ETFA: variants seen among roughly 807,000 people sequenced by gnomAD.
The protein encoded by ETFA is electron transfer flavoprotein subunit alpha.
A neutral mutation model predicts 46.2 loss-of-function variants in ETFA; 22 were observed. The ratio of observed to expected loss-of-function variants is 0.48; its 90% CI spans 0.34 to 0.68. The LOEUF (loss-of-function observed/expected upper bound fraction) is 0.68. Ranked by LOEUF, ETFA falls within the 30% of genes least tolerant of loss-of-function variation. The pLI is 0.01. For missense variants in ETFA, 345 were observed against 401.1 expected (o/e 0.86, Z 1.19); for synonymous variants, 131 against 139.9 (o/e 0.94, Z 0.45).
At chr15:76,295,526 T>G in intron 2 of ETFA, 65 bp downstream of exon 2, 1 of 1,372,696 alleles carries the variant, frequency 7.3e-7, no homozygotes, top group Admixed American at 1.7e-5. Flanking sequence ...AATTCTCTGT[T>G]GCCATCTTTT....
In ETFA at chr15:76,295,754, G is replaced by GGAAA. The variant is rs1491132643; in HGVS notation, c.40-21_40-18dup. The GGAAA allele has an allele frequency of 1.3e-6, 2 of 1,546,288 alleles. No homozygotes were observed. The highest frequency in any genetic ancestry group is 1.7e-6 in the Non-Finnish European group (2 of 1,149,818). On this transcript the variant is annotated splice_polypyrimidine_tract_variant and intron_variant, in intron 1 of 11. Coordinates refer to ENST00000557943, the MANE Select transcript of ETFA (RefSeq NM_000126.4). Reference sequence around the variant, plus strand: ...CAATGAGGCCTAAAAAGAGCAAAAAGGAAAAAAAAAGGTAAAGAATGTTGT... The same window carrying GGAAA: ...CAATGAGGCCTAAAAAGAGCAAAAAGGAAAGAAAAAAAAAGGTAAAGAATGTTGT...
intron 9 of ETFA, among the ~76,000 whole-genome samples, chr15:76,271,152 A>G (rs979776196): frequency 2.7e-5 from 4 of 149,878 alleles, no homozygotes; most frequent in Non-Finnish European, 5.9e-5. Flanking sequence ...CCTCAGCGAC[A>G]GAGCGAGACT....
intron 11 of ETFA, among the ~76,000 whole-genome samples, chr15:76,219,905 A>C (rs1308044993): frequency 6.6e-6 from 1 of 152,246 alleles, no homozygotes; most frequent in Non-Finnish European, 1.5e-5. Context: ...TGCAACTTCT[A>C]TGGAAAGCAG....
chr15:76,217,642 G>T (rs1224781630), intron 11 of ETFA: 2 of 455,744 alleles, frequency 4.4e-6, no homozygotes, highest in African/African-American at 4.0e-5. Context: ...GAGCTGCTTT[G>T]TGACTGCTTG....
chr15:76,276,010 G>A (rs1372184383), intron 8 of ETFA, among the ~76,000 whole-genome samples: 1 of 152,068 alleles, frequency 6.6e-6, no homozygotes, highest in African/African-American at 2.4e-5. Flanking sequence ...GATCAATTAA[G>A]AAAAATAAAA....
intron 1 of ETFA, among the ~76,000 whole-genome samples, chr15:76,299,959 C>CA (rs1249627669): frequency 6.6e-6 from 1 of 152,204 alleles, no homozygotes; most frequent in African/African-American, 2.4e-5. Flanking sequence ...TAAAAAGCCA[C>CA]AAACCCACAT....
intron 9 of ETFA, among the ~76,000 whole-genome samples, chr15:76,235,694 T>C (rs1042284713): frequency 6.6e-6 from 1 of 152,150 alleles, no homozygotes. Flanking sequence ...CAAAAATCTG[T>C]AATCCAATAA....
intron 9 of ETFA, among the ~76,000 whole-genome samples, chr15:76,244,833 C>A (rs2039229921): frequency 6.6e-6 from 1 of 152,116 alleles, no homozygotes; most frequent in African/African-American, 2.4e-5. Flanking sequence ...GTCAATTTAT[C>A]ATTATTGGTG....
At chr15:76,267,090 T>C (rs1477169456) in intron 9 of ETFA, among the ~76,000 whole-genome samples, 1 of 152,200 alleles carries the variant, frequency 6.6e-6, no homozygotes, top group Admixed American at 6.5e-5. Flanking sequence ...CAAAGAAGCA[T>C]TGGAGGAACT....
chr15:76,233,484 C>A (rs1337062765), intron 9 of ETFA, among the ~76,000 whole-genome samples: 2 of 151,906 alleles, frequency 1.3e-5, no homozygotes, highest in Admixed American at 6.6e-5. Flanking sequence ...TGTATGCCAC[C>A]CCACCCAGCT....
intron 9 of ETFA, among the ~76,000 whole-genome samples, chr15:76,262,659 T>G (rs1220855941): frequency 6.6e-6 from 1 of 151,848 alleles, no homozygotes; most frequent in East Asian, 1.9e-4. Flanking sequence ...ATTTTTTGTA[T>G]TTTCAGTAGA....
At chr15:76,259,576 C>CAGTAT in intron 9 of ETFA, 1 of 1,052,994 alleles carries the variant, frequency 9.5e-7, no homozygotes, top group Non-Finnish European at 1.5e-6. Flanking sequence ...GCCCACACAT[C>CAGTAT]ACTGTGCACA....
chr15:76,275,519 C>G (rs2039582176), intron 8 of ETFA, among the ~76,000 whole-genome samples: 1 of 152,076 alleles, frequency 6.6e-6, no homozygotes, highest in Admixed American at 6.5e-5. Context: ...CTTGTAGACA[C>G]CATATAGTTG....
At chr15:76,227,192 G>A (rs552124514) in intron 10 of ETFA, among the ~76,000 whole-genome samples, 184 of 152,126 alleles carry the variant, frequency 1.2e-3, no homozygotes, top group African/African-American at 4.2e-3. Flanking sequence ...CAGCCCAGGC[G>A]TTCAAGACCA....
intron 9 of ETFA, among the ~76,000 whole-genome samples, chr15:76,237,063 T>C (rs1018146890): frequency 5.3e-5 from 8 of 152,178 alleles, no homozygotes; most frequent in African/African-American, 7.2e-5. Context: ...GAAAGACTGA[T>C]TGATTTTGAG....
chr15:76,216,597 C>A lies in ETFA; in HGVS notation c.964G>T (p.Val322Leu), dbSNP rs2038898491. 6.3e-7 allele frequency: 1 copy of A among 1,585,560 alleles called. No homozygotes were observed. The highest frequency in any genetic ancestry group is 2.2e-5 in the East Asian group (1 of 44,734). ...AATATCTCAGTCATTTCAGGAACTA[C>A]CTGCAAATAAAAACAAAAAGTAATT... ...DYGIVADLFK[V>L]VPEMTEILKK... The change falls in exon 12 of 12, where the codon GTA becomes TTA. Residue 322 changes from valine to leucine, a missense_variant and splice_region_variant. By Grantham distance (32) the Val-to-Leu change is conservative. Transcript: ENST00000557943.
chr15:76,218,290 A>T (rs1312151429), intron 11 of ETFA, among the ~76,000 whole-genome samples: 1 of 150,478 alleles, frequency 6.6e-6, no homozygotes, highest in Non-Finnish European at 1.5e-5. Flanking sequence ...TTTCCAAGAC[A>T]GAGTTTTGCT....
At chr15:76,308,152 C>T (rs1194550567) in intron 1 of ETFA, among the ~76,000 whole-genome samples, 1 of 152,052 alleles carries the variant, frequency 6.6e-6, no homozygotes, top group African/African-American at 2.4e-5. Flanking sequence ...AATGTTCTTC[C>T]TTATAGTAGA....
Position 76,216,315 on chromosome 15 carries a change from G to T in ETFA, c.*244C>A. On this transcript the variant is annotated 3_prime_UTR_variant, in exon 12 of 12. Coordinates refer to ENST00000557943, the MANE Select transcript of ETFA (RefSeq NM_000126.4). The stretch of plus-strand genomic sequence containing the variant: ...CTGATAGTTTTAAAGCTGTGGAAAA[G>T]CTTTATTATAGATTTTAGTACAGAA... 1 of 451,602 alleles carries T rather than the reference G, an allele frequency of 2.2e-6. No homozygotes were observed. Among genetic ancestry groups the T allele is most frequent in the Non-Finnish European group, 3.9e-6 (1 of 255,644 alleles). 28.0% of individuals were successfully genotyped at this position (451,602 alleles called of 1,614,324 possible).
Sources: gnomAD v4.1 joint callset for allele counts (sites outside exome capture counted in the v4.1 genomes callset) on GRCh38, gnomAD v4.1.1 for gene constraint, MANE v1.5 for transcripts, NCBI Gene and HGNC (gene_info 2026-07-23, HGNC 2026-07-21) for gene names.